SHISA9: variants seen among roughly 807,000 people sequenced by gnomAD.
SHISA9 encodes protein shisa-9.
Under a neutral mutation model 38.0 loss-of-function variants are expected in SHISA9, and 13 were observed. That is an observed-to-expected ratio of 0.34 (90% confidence interval 0.22 to 0.54). The LOEUF (loss-of-function observed/expected upper bound fraction) is 0.54, where lower values mean the gene tolerates loss of function less well. SHISA9 is among the 20% of genes least tolerant of loss of function. SHISA9 has a pLI of 0.91. For synonymous variants in SHISA9, 275 were observed against 242.0 expected, an observed-to-expected ratio of 1.14 and a Z score of -1.27; for missense variants, 538 against 575.8, an observed-to-expected ratio of 0.93 and a Z score of 0.67.
chr16:13,150,044 A>AT (rs1414232594), intron 2 of SHISA9, among the ~76,000 whole-genome samples: 19 of 149,534 alleles, frequency 1.3e-4, no homozygotes, highest in African/African-American at 4.7e-4. Flanking sequence ...AAAAAAAAAA[A>AT]AAAAAAAAAA....
chr16:13,182,394 G>A (rs962462728), intron 2 of SHISA9, among the ~76,000 whole-genome samples: 3 of 152,154 alleles, frequency 2.0e-5, no homozygotes, highest in Non-Finnish European at 4.4e-5. Context: ...TTTCCTCTTT[G>A]ATCAGGCATT....
At chr16:13,210,892 T>G (rs754265063) in intron 3 of SHISA9, among the ~76,000 whole-genome samples, 3 of 152,230 alleles carry the variant, frequency 2.0e-5, no homozygotes, top group Non-Finnish European at 4.4e-5. Flanking sequence ...CAGAGAAATT[T>G]CTAGCATCTA....
chr16:13,376,895 T>G, the SHISA9 span, among the ~76,000 whole-genome samples: 1 of 152,146 alleles, frequency 6.6e-6, no homozygotes, highest in Non-Finnish European at 1.5e-5. Context: ...CAGGCTGGTT[T>G]CGAACTCCTG....
rs1002115699 is a variant in SHISA9 at position 12,943,758 on chromosome 16, C to G, written c.691+26943C>G. On this transcript the variant is annotated intron_variant, in intron 2 of 4. Transcript: ENST00000558583. Reference sequence around the variant, plus strand: ...TCTGGGCATGCCTGTTAGAAAACACCCTGCCTCCATTTGTAGATATTGATG... The same window carrying G: ...TCTGGGCATGCCTGTTAGAAAACACGCTGCCTCCATTTGTAGATATTGATG... 2.6e-5 allele frequency among the ~76,000 whole-genome samples: 4 copies of G among 152,096 alleles called. No homozygotes were observed. The East Asian group carries it at 7.8e-4, about 29-fold the overall frequency.
chr16:13,021,732 T>C (rs967636364), intron 2 of SHISA9, among the ~76,000 whole-genome samples: 3 of 152,216 alleles, frequency 2.0e-5, no homozygotes, highest in African/African-American at 7.2e-5. Flanking sequence ...GATGTCCCCT[T>C]TTCTGAGTTT....
intron 4 of SHISA9, among the ~76,000 whole-genome samples, chr16:13,214,955 T>C (rs915946746): frequency 6.6e-6 from 1 of 152,092 alleles, no homozygotes; most frequent in African/African-American, 2.4e-5. Flanking sequence ...GTGGCCATTT[T>C]TTTTTTGCCG....
chr16:13,555,923 G>A, the SHISA9 span, among the ~76,000 whole-genome samples: 1 of 152,182 alleles, frequency 6.6e-6, no homozygotes, highest in Admixed American at 6.5e-5. Flanking sequence ...CTGCTACTCA[G>A]ATCTTACTCT....
chr16:13,290,990 G>A, the SHISA9 span, among the ~76,000 whole-genome samples: 1 of 152,124 alleles, frequency 6.6e-6, no homozygotes, highest in Non-Finnish European at 1.5e-5. Flanking sequence ...TTCTTTTGCG[G>A]AAGAGAGTTG....
intron 2 of SHISA9, among the ~76,000 whole-genome samples, chr16:13,098,407 G>A (rs936624782): frequency 6.6e-6 from 1 of 152,078 alleles, no homozygotes; most frequent in Non-Finnish European, 1.5e-5. Flanking sequence ...TAGGTGTTCT[G>A]TGTTACCATA....
chr16:13,243,137 G>T (rs2051447077), downstream of SHISA9, among the ~76,000 whole-genome samples: 2 of 152,036 alleles, frequency 1.3e-5, no homozygotes, highest in South Asian at 4.2e-4. Context: ...TACTCAGCAG[G>T]CTGAGGCAGG....
the SHISA9 span, among the ~76,000 whole-genome samples, chr16:13,329,610 A>T: frequency 1.3e-5 from 2 of 151,452 alleles, no homozygotes; most frequent in Non-Finnish European, 2.9e-5. Context: ...TTCCAAGACT[A>T]CTCCTTCCCA....
At chr16:12,986,557 C>T (rs886353345) in intron 2 of SHISA9, among the ~76,000 whole-genome samples, 4 of 152,092 alleles carry the variant, frequency 2.6e-5, no homozygotes, top group East Asian at 1.9e-4. Context: ...ATCATGAGCT[C>T]GGAGGTCTTT....
Position 13,055,654 on chromosome 16 carries a change from A to G in SHISA9, c.691+138839A>G, listed in dbSNP as rs144957442. Among the ~76,000 whole-genome samples, 129 of 152,208 alleles carry G rather than the reference A, an allele frequency of 8.5e-4. 2 individuals carry two copies. The highest frequency in any genetic ancestry group is 1.5e-3 in the African/African-American group (61 of 41,518). On this transcript the variant is annotated intron_variant, in intron 2 of 4. Transcript: ENST00000558583. Reference sequence around the variant, plus strand: ...TTACAAGAGCTGAGCAGAATTCTAAATTCTCCCTCCATGCCCACTCACCCT... The same window carrying G: ...TTACAAGAGCTGAGCAGAATTCTAAGTTCTCCCTCCATGCCCACTCACCCT...
At chr16:13,414,532 A>G in the SHISA9 span, among the ~76,000 whole-genome samples, 3 of 152,308 alleles carry the variant, frequency 2.0e-5, no homozygotes, top group South Asian at 6.2e-4. Flanking sequence ...TGAGGCTCAG[A>G]GAAGTAAAAA....
chr16:12,928,155 C>G (rs1297196985), intron 2 of SHISA9, among the ~76,000 whole-genome samples: 1 of 137,062 alleles, frequency 7.3e-6, no homozygotes, highest in East Asian at 2.2e-4. Flanking sequence ...ATTCCACTGT[C>G]CTTACTTTTT....
At chr16:13,436,340 C>A in the SHISA9 span, among the ~76,000 whole-genome samples, 1 of 152,342 alleles carries the variant, frequency 6.6e-6, no homozygotes, top group South Asian at 2.1e-4. Context: ...AACCATAATG[C>A]ATTAGCATGC....
the SHISA9 span, chr16:13,258,386 G>T: frequency 3.3e-5 from 5 of 152,114 alleles, no homozygotes; most frequent in South Asian, 8.3e-4. Context: ...ACACTTCAAG[G>T]TTTCTTTGAA....
At chr16:13,118,646 T>C (rs1427741814) in intron 2 of SHISA9, among the ~76,000 whole-genome samples, 1 of 152,146 alleles carries the variant, frequency 6.6e-6, no homozygotes. Context: ...GGGATGCCGA[T>C]GGTGACCACA....
At chr16:13,432,815 C>T in the SHISA9 span, among the ~76,000 whole-genome samples, 65,223 of 151,866 alleles carry the variant, frequency 0.43, 14,308 homozygotes, top group African/African-American at 0.48. Context: ...AACACAGGAA[C>T]AAGAAAACAA....
Sources: allele counts gnomAD v4.1 joint callset (sites outside exome capture counted in the v4.1 genomes callset), GRCh38; gene constraint gnomAD v4.1.1; transcripts MANE v1.5; gene names NCBI Gene and HGNC (gene_info 2026-07-23, HGNC 2026-07-21).